SCYL1: variants seen among roughly 807,000 people sequenced by gnomAD.
The protein encoded by SCYL1 is N-terminal kinase-like protein.
Under a neutral mutation model 94.8 loss-of-function variants are expected in SCYL1, and 85 were observed. That is an observed-to-expected ratio of 0.90 (90% CI 0.75 to 1.07). SCYL1 has a LOEUF of 1.07. Among genes scored for constraint, SCYL1 ranks in the 50% least tolerant of loss-of-function variants. The probability of loss-of-function intolerance (pLI) is 0.00; values close to 1 mark genes in which losing one functional copy is unlikely to be tolerated. For missense variants in SCYL1, 968 were observed against 1,083.3 expected, an observed-to-expected ratio of 0.89 and a Z score of 1.49; for synonymous variants, 459 against 435.5, an observed-to-expected ratio of 1.05 and a Z score of -0.67.
chr11:65,530,833 A>G (rs1409029489), intron 7 of SCYL1, 46 bp downstream of exon 7: 1 of 1,566,350 alleles, frequency 6.4e-7, no homozygotes, highest in East Asian at 2.2e-5. Flanking sequence ...GTGCACAGGA[A>G]CTGCCAAAGA....
Position 65,530,678 on chromosome 11 carries a change from G to A in SCYL1, c.899G>A (p.Ser300Asn), listed in dbSNP as rs373266891. 12 of 1,613,968 alleles carry A rather than the reference G, an allele frequency of 7.4e-6. No individual in the cohort carries two copies. In the African/African-American group the frequency reaches 9.3e-5, roughly 13 times the overall value. ...KQKFFQELSK[S>N]LDAFPEDFCR... ...AAATTCTTCCAGGAGCTGAGCAAGA[G>A]CCTGGACGCATTCCCTGAGGATTTC... is the stretch of plus-strand genomic sequence containing the variant. The change falls in exon 7 of 18, where the codon AGC becomes AAC. Residue 300 changes from serine to asparagine, a missense_variant. Around this residue, in one of 2 missense-constraint regions of SCYL1, gnomAD observed 494 missense variants for 619.7 expected, o/e 0.80. Transcript: ENST00000270176.
chr11:65,525,751 C>G, intron 2 of SCYL1, 37 bp downstream of exon 2: 1 of 1,609,266 alleles, frequency 6.2e-7, no homozygotes. Flanking sequence ...CTGCCCCTCA[C>G]GATGTCCTGG....
In SCYL1 at chr11:65,527,131, C is replaced by T. The variant is rs374644826; in HGVS notation, c.849+14C>T. 11 of 1,609,802 alleles carry T rather than the reference C, an allele frequency of 6.8e-6. No individual in the cohort carries two copies. The highest frequency in any genetic ancestry group is 1.7e-4 in the Middle Eastern group (1 of 6,052). On this transcript the variant is annotated intron_variant, in intron 6 of 17. Transcript: ENST00000270176. The stretch of plus-strand genomic sequence containing the variant: ...GAGGAGATTCAGGTGAGCCCCCAAC[C>T]CACCCTGGGCTTCGACCCTATCTTT...
At position 65,531,626 on chromosome 11, in the gene SCYL1, G is replaced by A. The variant is rs951641117; in HGVS notation, c.1059G>A (p.Val353=). 12 of 1,614,010 alleles carry A rather than the reference G, an allele frequency of 7.4e-6. No individual in the cohort carries two copies. The Admixed American group carries it at 1.8e-4, about 25-fold the overall frequency. ...AGTATCAGCAGAAGATCATCCCTGT[G>A]GTGGTCAAGATGTTCTCATCCACTG... ...AEEYQQKIIP[V]VVKMFSSTDR... is the part of the protein sequence containing the mutation. Residue 353 remains valine, a synonymous_variant, in exon 8 of 18, where the codon GTG becomes GTA. Transcript: ENST00000270176.
Position 65,525,974 on chromosome 11 carries a change from C to T in SCYL1, c.306C>T (p.Tyr102=), listed in dbSNP as rs756722104. 1.2e-5 allele frequency: 19 copies of T among 1,613,542 alleles called. No individual in the cohort carries two copies. The Middle Eastern group carries it at 6.6e-4, about 56-fold the overall frequency. ...VTEAVTPLGI[Y]LKARVEAGGL... ...AGGCTGTGACCCCGTTGGGAATATACCTCAAGGCGAGAGTGGAGGCTGGTG... is the reference window on the plus strand; with the variant it reads ...AGGCTGTGACCCCGTTGGGAATATATCTCAAGGCGAGAGTGGAGGCTGGTG... Residue 102 remains tyrosine, a synonymous_variant, in exon 3 of 18, where the codon TAC becomes TAT. Coordinates refer to ENST00000270176, the MANE Select transcript of SCYL1 (RefSeq NM_020680.4).
chr11:65,525,251 G>A lies in SCYL1; in HGVS notation c.98G>A (p.Arg33His). ...CTGCCCGGGCCCTGGGCCCTGCACC[G>A]CGGCCGCAAGAAGGTGAGTGCGGCC... ...GGLPGPWALH[R>H]GRKKATGSPV... The change falls in exon 1 of 18, where the codon CGC becomes CAC. Residue 33 changes from arginine (R) to histidine (H), a missense_variant. By Grantham distance (29) the Arg-to-His change is conservative. Coordinates refer to ENST00000270176, the MANE Select transcript of SCYL1 (RefSeq NM_020680.4). 1 of 1,444,018 alleles carries A rather than the reference G, an allele frequency of 6.9e-7. No individual in the cohort carries two copies. The highest frequency in any genetic ancestry group is 1.4e-5 in the South Asian group (1 of 72,526). The allele number at this position is 1,444,018 out of a possible 1,614,324, so 89.5% of individuals were successfully genotyped here. A position where few individuals can be genotyped will look rare whatever the true frequency, so the allele number is the denominator to read the frequency against.
intron 6 of SCYL1, among the ~76,000 whole-genome samples, chr11:65,528,645 A>G (rs1320975336): frequency 1.3e-5 from 2 of 149,284 alleles, no homozygotes; most frequent in East Asian, 4.0e-4. Flanking sequence ...CTGTAATCCC[A>G]GCTACTCCAG....
In SCYL1 at chr11:65,532,833, A is replaced by G. The variant is rs769007214; in HGVS notation, c.1230+28A>G. ...GGGTGTGGCCAGGCCCAGAGTGGCT[A>G]CCCCTGGTTTTCCAAGGCTTGGAGG... On this transcript the variant is annotated intron_variant, in intron 9 of 17. Transcript: ENST00000270176. 36 of 1,575,280 alleles carry G rather than the reference A, an allele frequency of 2.3e-5. No homozygotes were observed. In the East Asian group the frequency reaches 7.8e-4, roughly 34 times the overall value.
intron 9 of SCYL1, among the ~76,000 whole-genome samples, chr11:65,534,888 G>A (rs1855561508): frequency 6.6e-6 from 1 of 152,162 alleles, no homozygotes; most frequent in South Asian, 2.1e-4. Flanking sequence ...AGAACTGGCT[G>A]TTGAAATTAG....
rs1483444239 is a variant in SCYL1, at chr11:65,538,257, CTTCTCT to C, written c.2248-10_2248-5del. On this transcript the variant is annotated splice_region_variant and splice_polypyrimidine_tract_variant and intron_variant, in intron 16 of 17. Coordinates refer to ENST00000270176, the MANE Select transcript of SCYL1 (RefSeq NM_020680.4). ...GAAGTGGGCCCCACTGCAGCCCACA[CTTCTCT>C]TTACAGCCGAGGCCAGACTCTTGGG... The C allele has an allele frequency of 6.4e-7, 1 of 1,553,746 alleles. No individual in the cohort carries two copies. Among genetic ancestry groups the C allele is most frequent in the Non-Finnish European group, 8.7e-7 (1 of 1,148,246 alleles).
At chr11:65,535,894 G>A in intron 10 of SCYL1, 59 bp from the exon 11 acceptor site, 1 of 1,478,440 alleles carries the variant, frequency 6.8e-7, no homozygotes. Context: ...AAGGGCTGGT[G>A]GTTCTGGGTC....
chr11:65,529,988 T>C (rs1347995789), intron 6 of SCYL1, among the ~76,000 whole-genome samples: 1 of 152,148 alleles, frequency 6.6e-6, no homozygotes, highest in African/African-American at 2.4e-5. Flanking sequence ...ACATAATCTG[T>C]GCTCCAGAAA....
At position 65,525,083 on chromosome 11, in the gene SCYL1, G is replaced by C. The variant is rs1855004253; in HGVS notation, c.-71G>C. The C allele has an allele frequency of 3.8e-6, 4 of 1,041,342 alleles. No homozygotes were observed. In the East Asian group the frequency reaches 1.1e-4, roughly 28 times the overall value. The allele number at this position is 1,041,342 out of a possible 1,614,324, so 64.5% of individuals were successfully genotyped here. On this transcript the variant is annotated 5_prime_UTR_variant, in exon 1 of 18. Coordinates refer to ENST00000270176, the MANE Select transcript of SCYL1 (RefSeq NM_020680.4). ...CTGACGCAGGCCCCGCCCCCTCTCC[G>C]CCCCGCCCCGGCTCGGGCGGCCGGA...
chr11:65,525,426 A>G, intron 1 of SCYL1, 148 bp from the exon 2 acceptor site: 1 of 1,110,494 alleles, frequency 9.0e-7, no homozygotes, highest in Non-Finnish European at 1.2e-6. Context: ...GGAGGGACCG[A>G]GGGACCGACA....
Position 65,537,887 on chromosome 11 carries a change from T to C in SCYL1, c.2031+7T>C. 1 of 1,578,230 alleles carries C rather than the reference T, an allele frequency of 6.3e-7. No individual in the cohort carries two copies. Among genetic ancestry groups the C allele is most frequent in the Non-Finnish European group, 8.6e-7 (1 of 1,161,920 alleles). On this transcript the variant is annotated splice_region_variant and intron_variant, in intron 15 of 17. Coordinates refer to ENST00000270176, the MANE Select transcript of SCYL1 (RefSeq NM_020680.4). Reference sequence around the variant, plus strand: ...AGTGAGCCGTGCTAGTCAGGTGAGCTGGGTCTGGTGGGGAGGTGTGTGTAT... The same window carrying C: ...AGTGAGCCGTGCTAGTCAGGTGAGCCGGGTCTGGTGGGGAGGTGTGTGTAT...
intron 8 of SCYL1, 41 bp downstream of exon 8, chr11:65,531,724 C>T (rs767672932): frequency 2.0e-6 from 3 of 1,489,048 alleles, no homozygotes; most frequent in Non-Finnish European, 2.8e-6. Context: ...TCCACCCAGA[C>T]CCCAACCTGG....
In SCYL1 at chr11:65,525,930, T is replaced by C; in HGVS notation, c.262T>C (p.Cys88Arg). 1 of 1,613,232 alleles carries C rather than the reference T, an allele frequency of 6.2e-7. No homozygotes were observed. Among genetic ancestry groups the C allele is most frequent in the Non-Finnish European group, 8.5e-7 (1 of 1,179,756 alleles). Residue 88 changes from cysteine (C) to arginine (R), a missense_variant, in exon 3 of 18, where the codon TGC (cysteine) becomes CGC (arginine). Cys to Arg is a radical substitution (Grantham distance 180, BLOSUM62 -3). This residue lies in a region of SCYL1 where 494 missense variants were observed against 619.7 expected (regional missense o/e 0.80). Coordinates refer to ENST00000270176, the MANE Select transcript of SCYL1 (RefSeq NM_020680.4). ...AYIDGLETEK[C>R]LHVVTEAVTP... ...GTGTCCCCTTCCCCAGACAGAAAAA[T>C]GCCTCCACGTCGTGACAGAGGCTGT... is the stretch of plus-strand genomic sequence containing the variant.
At chr11:65,531,739 T>TCCCCAGCCACCA in intron 8 of SCYL1, 56 bp downstream of exon 8, 3 of 1,363,768 alleles carry the variant, frequency 2.2e-6, no homozygotes, top group Non-Finnish European at 3.1e-6. Flanking sequence ...ACCTGGTGGC[T>TCCCCAGCCACCA]GGGGAGGCAC....
intron 8 of SCYL1, 96 bp downstream of exon 8, chr11:65,531,779 C>G: frequency 1.2e-6 from 1 of 858,264 alleles, no homozygotes; most frequent in Admixed American, 1.9e-5. Context: ...ACCCCAGAAA[C>G]CCCACCCCTG....
Sources: gnomAD v4.1 joint callset for allele counts (sites outside exome capture counted in the v4.1 genomes callset) on GRCh38, gnomAD v4.1.1 for gene constraint, gnomAD v4.1.1 regional missense constraint, MANE v1.5 for transcripts, NCBI Gene and HGNC (gene_info 2026-07-23, HGNC 2026-07-21) for gene names.